The following CSMD1 variants were observed in gnomAD, a reference collection of about 807,000 sequenced individuals.
CSMD1 encodes the protein CUB and sushi domain-containing protein 1.
Under a neutral mutation model 417.5 loss-of-function variants are expected in CSMD1, and 213 were observed. The ratio of observed to expected loss-of-function variants is 0.51; its 90% confidence interval spans 0.46 to 0.57. The LOEUF is 0.57. CSMD1 is among the 20% of genes least tolerant of loss of function. The pLI, the probability that CSMD1 is intolerant of heterozygous loss-of-function variation, is 0.00. For missense variants in CSMD1, 6,923 were observed against 4,529.7 expected (o/e 1.53, Z -15.17); for synonymous variants, 2,862 against 1,736.8 (o/e 1.65, Z -16.11).
chr8:2,995,293 G>T (rs1179980521), intron 54 of CSMD1, among the ~76,000 whole-genome samples: 1 of 152,190 alleles, frequency 6.6e-6, no homozygotes, highest in Non-Finnish European at 1.5e-5. Context: ...CACCAGATAA[G>T]GTACTCACGT....
chr8:3,073,369 C>T (rs1280063969), intron 49 of CSMD1, among the ~76,000 whole-genome samples: 1 of 151,982 alleles, frequency 6.6e-6, no homozygotes, highest in African/African-American at 2.4e-5. Flanking sequence ...AATAATTACC[C>T]AGCAAAGTAT....
chr8:4,487,603 G>T (rs1183853094), intron 2 of CSMD1, among the ~76,000 whole-genome samples: 3 of 152,072 alleles, frequency 2.0e-5, no homozygotes, highest in Non-Finnish European at 2.9e-5. Flanking sequence ...CTTTGCTATT[G>T]TGAAGTTTCA....
chr8:4,470,564 G>T lies in CSMD1; in HGVS notation c.303-50499C>A, dbSNP rs565069007. 6.5e-4 allele frequency among the ~76,000 whole-genome samples: 99 copies of T among 152,300 alleles called. 2 individuals carry two copies. Among genetic ancestry groups the T allele is most frequent in the Admixed American group, 5.6e-3 (85 of 15,298 alleles). On this transcript the variant is annotated intron_variant, in intron 2 of 69. Coordinates refer to ENST00000635120, the MANE Select transcript of CSMD1 (RefSeq NM_033225.6). ...AATGACATGCCAAAGGATTCAGAGTGAATGTACAACCAAATAATATAACTG... is the reference window on the plus strand; with the variant it reads ...AATGACATGCCAAAGGATTCAGAGTTAATGTACAACCAAATAATATAACTG...
intron 3 of CSMD1, among the ~76,000 whole-genome samples, chr8:4,281,856 T>C (rs921657703): frequency 5.3e-5 from 8 of 152,146 alleles, no homozygotes; most frequent in African/African-American, 1.7e-4. Context: ...ACACCTAACA[T>C]GCATTAAAAA....
intron 5 of CSMD1, among the ~76,000 whole-genome samples, chr8:3,932,665 A>G (rs1261813430): frequency 1.3e-5 from 2 of 150,534 alleles, no homozygotes; most frequent in Admixed American, 1.3e-4. Context: ...ATTCTCAAAA[A>G]GCCGGTCCAA....
At position 4,647,329 on chromosome 8, in the gene CSMD1, C is replaced by T. The variant is rs1251694454; in HGVS notation, c.86-9771G>A. Among the ~76,000 whole-genome samples the T allele has an allele frequency of 4.0e-5, 6 of 149,568 alleles. No individual in the cohort carries two copies. The South Asian group carries it at 8.4e-4, about 21-fold the overall frequency. On this transcript the variant is annotated intron_variant, in intron 1 of 69. Transcript: ENST00000635120. ...TTACATAGGTATACATGTGCCACGG[C>T]GGCCTGCTACGTAGGTACGCGTGTG... is the stretch of plus-strand genomic sequence containing the variant.
chr8:4,356,063 G>T (rs35237554), intron 3 of CSMD1, among the ~76,000 whole-genome samples: 1 of 152,158 alleles, frequency 6.6e-6, no homozygotes, highest in Non-Finnish European at 1.5e-5. Flanking sequence ...CACCTGAGCA[G>T]TGTACACTGC....
At chr8:3,802,521 TG>T (rs1800515007) in intron 5 of CSMD1, among the ~76,000 whole-genome samples, 1 of 152,166 alleles carries the variant, frequency 6.6e-6, no homozygotes, top group South Asian at 2.1e-4. Flanking sequence ...CTAAGCTCAG[TG>T]GGAAATACAT....
chr8:4,766,508 C>T (rs1812475137), intron 1 of CSMD1, among the ~76,000 whole-genome samples: 1 of 152,194 alleles, frequency 6.6e-6, no homozygotes, highest in South Asian at 2.1e-4. Flanking sequence ...AACTATGCAA[C>T]GACCTAAAAT....
chr8:3,384,159 G>A (rs958601924), intron 18 of CSMD1, among the ~76,000 whole-genome samples: 2 of 152,082 alleles, frequency 1.3e-5, no homozygotes, highest in African/African-American at 4.8e-5. Context: ...AATGCATTGA[G>A]CTACACACTT....
chr8:4,688,077 A>G (rs1806504971), intron 1 of CSMD1, among the ~76,000 whole-genome samples: 1 of 152,000 alleles, frequency 6.6e-6, no homozygotes, highest in Non-Finnish European at 1.5e-5. Flanking sequence ...TCACTCTCTT[A>G]CCCAGTTTTA....
At chr8:4,426,581 T>C (rs1401248801) in intron 2 of CSMD1, among the ~76,000 whole-genome samples, 1 of 144,146 alleles carries the variant, frequency 6.9e-6, no homozygotes, top group Non-Finnish European at 1.5e-5. Context: ...ATATACACAG[T>C]ATGTGCAGTA....
intron 3 of CSMD1, among the ~76,000 whole-genome samples, chr8:4,215,407 C>T (rs1009582349): frequency 6.6e-6 from 1 of 152,062 alleles, no homozygotes; most frequent in African/African-American, 2.4e-5. Context: ...GGCAAAGATA[C>T]CATGTCTGAA....
intron 5 of CSMD1, among the ~76,000 whole-genome samples, chr8:3,986,816 T>C (rs66531379): frequency 0.25 from 38,703 of 151,856 alleles, 5,055 homozygotes; most frequent in East Asian, 0.38. Context: ...AATGCAGTGA[T>C]GCGATCTCGG....
At chr8:4,414,270 C>A (rs1164934546) in intron 3 of CSMD1, among the ~76,000 whole-genome samples, 3 of 152,176 alleles carry the variant, frequency 2.0e-5, no homozygotes, top group Middle Eastern at 3.2e-3. Context: ...ATTCAGCCAA[C>A]AGAGTGACAC....
chr8:3,976,317 T>A (rs978059369), intron 5 of CSMD1, among the ~76,000 whole-genome samples: 1 of 152,152 alleles, frequency 6.6e-6, no homozygotes, highest in African/African-American at 2.4e-5. Context: ...TCTCATAGAG[T>A]CAATGCGTTT....
At chr8:3,574,505 C>T (rs113547504) in intron 10 of CSMD1, among the ~76,000 whole-genome samples, 1 of 152,112 alleles carries the variant, frequency 6.6e-6, no homozygotes, top group Non-Finnish European at 1.5e-5. Flanking sequence ...CTTTGGCCTC[C>T]CAAAGTGCTG....
At chr8:4,019,872 C>G (rs1268252113) in intron 4 of CSMD1, among the ~76,000 whole-genome samples, 1 of 149,328 alleles carries the variant, frequency 6.7e-6, no homozygotes, top group East Asian at 2.0e-4. Context: ...CTCCTCAAGT[C>G]AGTCTGCTAG....
At chr8:3,839,445 T>TTATAATATAATATATTATATATTATAA (rs1563133189) in intron 5 of CSMD1, among the ~76,000 whole-genome samples, 1 of 125,056 alleles carries the variant, frequency 8.0e-6, no homozygotes, top group Admixed American at 9.8e-5. Context: ...ATATTATATA[T>TTATAATATAATATATTATATATTATAA]TATAATATAA....
Sources: gnomAD v4.1 joint callset for allele counts (sites outside exome capture counted in the v4.1 genomes callset) on GRCh38, gnomAD v4.1.1 for gene constraint, MANE v1.5 for transcripts, NCBI Gene and HGNC (gene_info 2026-07-23, HGNC 2026-07-21) for gene names.